The following CYP2D6 variants were observed in gnomAD, a reference collection of about 807,000 sequenced individuals.
The protein encoded by CYP2D6 is cytochrome P450 2D6.
In CYP2D6, 51 loss-of-function variants were observed where a neutral mutation model predicts 43.5. The observed-to-expected ratio is 1.17, with a 90% CI of 0.94 to 1.48. The LOEUF is 1.48. Among genes scored for constraint, CYP2D6 ranks in the 40% most tolerant of loss-of-function variants. The pLI is 0.00. For missense variants in CYP2D6, 698 were observed against 688.0 expected, an observed-to-expected ratio of 1.01 and a Z score of -0.16; for synonymous variants, 346 against 297.1, an observed-to-expected ratio of 1.16 and a Z score of -1.69.
rs1417425089 is a variant in CYP2D6, at chr22:42,130,315, C to T, written c.180+297G>A. The T allele has an allele frequency of 3.2e-4, 176 of 542,508 alleles. 7 individuals are homozygous for T. The South Asian group carries it at 3.6e-3, about 11-fold the overall frequency. 33.6% of individuals were successfully genotyped at this position (542,508 alleles called of 1,614,324 possible). Reference sequence around the variant, plus strand: ...CTCATCTTCCATTCCCAAGGCCTTTCCTTCTGGTGTCAGCAGAAGGGACTT... The same window carrying T: ...CTCATCTTCCATTCCCAAGGCCTTTTCTTCTGGTGTCAGCAGAAGGGACTT... On this transcript the variant is annotated intron_variant, in intron 1 of 8. Coordinates refer to ENST00000645361, the MANE Select transcript of CYP2D6 (RefSeq NM_000106.6).
At position 42,128,784 on chromosome 22, in the gene CYP2D6, C is replaced by T; in HGVS notation, c.666G>A (p.Glu222=). The T allele has an allele frequency of 1.2e-6, 2 of 1,605,600 alleles. No homozygotes were observed. Among genetic ancestry groups the T allele is most frequent in the African/African-American group, 2.7e-5 (2 of 74,118 alleles). Residue 222 remains glutamate (E), a splice_region_variant and synonymous_variant, in exon 4 of 9, where the codon GAG becomes GAA. Coordinates refer to ENST00000645361, the MANE Select transcript of CYP2D6 (RefSeq NM_000106.6). ...GACTCCTCGGTCTCTCGCTCCGCACCTCGCGCAGAAAGCCCGACTCCTCCT... is the reference window on the plus strand; with the variant it reads ...GACTCCTCGGTCTCTCGCTCCGCACTTCGCGCAGAAAGCCCGACTCCTCCT... ...GLKEESGFLR[E]VLNAVPVLLH...
rs1193894531 is a variant in CYP2D6, at chr22:42,130,374, G to T, written c.180+238C>A. The T allele has an allele frequency of 1.2e-5, 7 of 605,502 alleles. No individual in the cohort carries two copies. The African/African-American group carries it at 1.4e-4, about 12-fold the overall frequency. 37.5% of individuals were successfully genotyped at this position (605,502 alleles called of 1,614,324 possible). On this transcript the variant is annotated intron_variant, in intron 1 of 8. Transcript: ENST00000645361. ...ATAACATATGTTGCCCAATGGGCTT[G>T]CATGCCCACTGCCAAGTCCAGCTCC... is the stretch of plus-strand genomic sequence containing the variant.
At chr22:42,130,142 G>T in intron 1 of CYP2D6, 1 of 536,502 alleles carries the variant, frequency 1.9e-6, no homozygotes, top group Non-Finnish European at 3.2e-6. Flanking sequence ...CAAAATTGCC[G>T]AGAGGCCCCA....
chr22:42,129,004 C>G (rs777180476), intron 3 of CYP2D6, 29 bp downstream of exon 3: 1 of 1,596,594 alleles, frequency 6.3e-7, no homozygotes, highest in Non-Finnish European at 8.5e-7. Flanking sequence ...TCCCAGTTCC[C>G]GCTTTGTGCC....
chr22:42,127,841 C>G lies in CYP2D6; in HGVS notation c.985+1G>C, dbSNP rs72549349. On this transcript the variant is annotated splice_donor_variant, in intron 6 of 8. Coordinates refer to ENST00000645361, the MANE Select transcript of CYP2D6 (RefSeq NM_000106.6). LOFTEE classifies it high-confidence loss of function. ...CTGCACTGTTTCCCAGATGGGCTCA[C>G]GCTGCACATCCGGATGTAGGATCAT... The G allele has an allele frequency of 3.1e-6, 5 of 1,610,932 alleles. 1 individual carries two copies. The East Asian group carries it at 1.1e-4, about 36-fold the overall frequency.
At chr22:42,127,752 T>C (rs1301778849) in intron 6 of CYP2D6, 90 bp downstream of exon 6, 1 of 1,578,864 alleles carries the variant, frequency 6.3e-7, no homozygotes, top group Non-Finnish European at 8.7e-7. Flanking sequence ...AAGCCTGTGC[T>C]TGGAGCCCCG....
chr22:42,128,998 A>G (rs747099990), intron 3 of CYP2D6, 35 bp downstream of exon 3: 1 of 1,594,330 alleles, frequency 6.3e-7, no homozygotes, highest in East Asian at 2.3e-5. Context: ...CCGCCTTCCC[A>G]GTTCCCGCTT....
In CYP2D6 at chr22:42,128,782, A is replaced by C. The variant is rs1031847205; in HGVS notation, c.666+2T>G. 5 of 1,604,580 alleles carry C rather than the reference A, an allele frequency of 3.1e-6. No homozygotes were observed. The highest frequency in any genetic ancestry group is 1.1e-5 in the South Asian group (1 of 89,776). On this transcript the variant is annotated splice_donor_variant, in intron 4 of 8. Transcript: ENST00000645361. LOFTEE classifies it high-confidence loss of function. ...GAGACTCCTCGGTCTCTCGCTCCGCACCTCGCGCAGAAAGCCCGACTCCTC... is the reference window on the plus strand; with the variant it reads ...GAGACTCCTCGGTCTCTCGCTCCGCCCCTCGCGCAGAAAGCCCGACTCCTC...
rs915922776 is a variant in CYP2D6 at position 42,128,552 on chromosome 22, A to C, written c.667-202T>G. On this transcript the variant is annotated intron_variant, in intron 4 of 8. Coordinates refer to ENST00000645361, the MANE Select transcript of CYP2D6 (RefSeq NM_000106.6). ...TAAAATCGAAATCTCTGACGTGGATAGGAGGTACAGAGTCCTTGGCCTCTC... is the reference window on the plus strand; with the variant it reads ...TAAAATCGAAATCTCTGACGTGGATCGGAGGTACAGAGTCCTTGGCCTCTC... Among the ~76,000 whole-genome samples, 14 of 150,688 alleles carry C rather than the reference A, an allele frequency of 9.3e-5. 2 individuals carry two copies. Among genetic ancestry groups the C allele is most frequent in the Non-Finnish European group, 1.9e-4 (13 of 67,658 alleles).
At chr22:42,129,525 C>T in intron 2 of CYP2D6, 1 of 754,148 alleles carries the variant, frequency 1.3e-6, no homozygotes, top group Non-Finnish European at 2.2e-6. Context: ...GGGCTCCTGC[C>T]AGGTCTCGGC....
chr22:42,127,791 G>A lies in CYP2D6; in HGVS notation c.985+51C>T, dbSNP rs536709258. On this transcript the variant is annotated intron_variant, in intron 6 of 8. Coordinates refer to ENST00000645361, the MANE Select transcript of CYP2D6 (RefSeq NM_000106.6). ...GTCCCAGCAAAGTTCATGGGCCCCC[G>A]CCTGTACCCTTCCTCCCTCGGCCCC... is the stretch of plus-strand genomic sequence containing the variant. The A allele has an allele frequency of 1.4e-4, 227 of 1,601,426 alleles. 5 individuals carry two copies. Among genetic ancestry groups the A allele is most frequent in the East Asian group, 2.5e-4 (11 of 44,706 alleles).
intron 2 of CYP2D6, chr22:42,129,461 GC>G: frequency 2.7e-6 from 2 of 728,442 alleles, no homozygotes. Flanking sequence ...TGCGGTCCCC[GC>G]CCCCCACTTC....
Position 42,128,942 on chromosome 22 carries a change from G to A in CYP2D6, c.508C>T (p.Arg170Cys), listed in dbSNP as rs749131338. 1.4e-5 allele frequency: 23 copies of A among 1,586,580 alleles called. 1 individual carries two copies. The highest frequency in any genetic ancestry group is 1.3e-4 in the South Asian group (11 of 87,582). The change falls in exon 4 of 9, where the codon CGC becomes TGC. Residue 170 changes from arginine to cysteine, a missense_variant and splice_region_variant. Around this residue, in one of 5 missense-constraint regions of CYP2D6, gnomAD observed 588 missense variants for 521.1 expected, o/e 1.13. Coordinates refer to ENST00000645361, the MANE Select transcript of CYP2D6 (RefSeq NM_000106.6). ...LCAAFANHSG[R>C]PFRPNGLLDK... Reference sequence around the variant, plus strand: ...AAGAGACCGTTGGGGCGAAAGGGGCGTCCTGGGGGTGGGAGATGCGGGTAA... The same window carrying A: ...AAGAGACCGTTGGGGCGAAAGGGGCATCCTGGGGGTGGGAGATGCGGGTAA...
Position 42,128,706 on chromosome 22 carries a change from T to C in CYP2D6, c.666+78A>G, listed in dbSNP as rs111564371. On this transcript the variant is annotated intron_variant, in intron 4 of 8. Transcript: ENST00000645361. Reference sequence around the variant, plus strand: ...CCAAACCCATCTATGCAAATCCTGCTCTTCCGAGGCCCCAGTCCAGCCCCG... The same window carrying C: ...CCAAACCCATCTATGCAAATCCTGCCCTTCCGAGGCCCCAGTCCAGCCCCG... 262 of 1,496,064 alleles carry C rather than the reference T, an allele frequency of 1.8e-4. 7 individuals are homozygous for C. The highest frequency in any genetic ancestry group is 3.7e-4 in the South Asian group (31 of 83,626). 92.7% of individuals were successfully genotyped at this position (1,496,064 alleles called of 1,614,324 possible).
rs1161391159 is a variant in CYP2D6 at position 42,127,930 on chromosome 22, C to T, written c.897G>A (p.Val299=). ...SFNDENLRIV[V]ADLFSAGMVT... ...CCATCCCGGCAGAGAACAGGTCAGC[C>T]ACCACTATGCGCAGGTTCTCATCAT... The change falls in exon 6 of 9, where the codon GTG becomes GTA. Residue 299 remains valine (V), a synonymous_variant. Coordinates refer to ENST00000645361, the MANE Select transcript of CYP2D6 (RefSeq NM_000106.6). 2 of 1,611,184 alleles carry T rather than the reference C, an allele frequency of 1.2e-6. No individual in the cohort carries two copies. The highest frequency in any genetic ancestry group is 4.5e-5 in the East Asian group (2 of 44,764).
rs1463287399 is a variant in CYP2D6 at position 42,128,776 on chromosome 22, C to T, written c.666+8G>A. On this transcript the variant is annotated splice_region_variant and intron_variant, in intron 4 of 8. Transcript: ENST00000645361. ...CCTGCAGAGACTCCTCGGTCTCTCG[C>T]TCCGCACCTCGCGCAGAAAGCCCGA... The T allele has an allele frequency of 6.2e-7, 1 of 1,603,616 alleles. No homozygotes were observed. The highest frequency in any genetic ancestry group is 1.1e-5 in the South Asian group (1 of 89,534).
Position 42,129,902 on chromosome 22 carries a change from C to T in CYP2D6, c.188G>A (p.Arg63His), listed in dbSNP as rs565444796. The T allele has an allele frequency of 1.3e-5, 20 of 1,565,586 alleles. No homozygotes were observed. The highest frequency in any genetic ancestry group is 5.5e-5 in the African/African-American group (4 of 72,152). The change falls in exon 2 of 9, where the codon CGC becomes CAC. Residue 63 changes from arginine (R) to histidine (H), a missense_variant. This residue lies in a region of CYP2D6 where 588 missense variants were observed against 521.1 expected (regional missense o/e 1.13). Transcript: ENST00000645361. ...NTPYCFDQLR[R>H]RFGDVFSLQL... The stretch of plus-strand genomic sequence containing the variant: ...CAGGCTGAACACGTCCCCGAAGCGG[C>T]GCCGCAACTGCAGAGGGAGGGTCAG...
chr22:42,129,237 A>G (rs528764348), intron 2 of CYP2D6, 52 bp from the exon 3 acceptor site: 1 of 1,582,700 alleles, frequency 6.3e-7, no homozygotes, highest in East Asian at 2.2e-5. Context: ...TAGCCCCACC[A>G]TCCACCACCC....
At position 42,129,045 on chromosome 22, in the gene CYP2D6, C is replaced by T. The variant is rs776699675; in HGVS notation, c.493G>A (p.Ala165Thr). Residue 165 changes from alanine (A) to threonine (T), a missense_variant, in exon 3 of 9, where the codon GCC (alanine) becomes ACC (threonine). Coordinates refer to ENST00000645361, the MANE Select transcript of CYP2D6 (RefSeq NM_000106.6). ...EEAACLCAAF[A>T]NHSGRPFRPN... Reference sequence around the variant, plus strand: ...GCCCATCACCCACCGGAGTGGTTGGCGAAGGCGGCACAAAGGCAGGCGGCC... The same window carrying T: ...GCCCATCACCCACCGGAGTGGTTGGTGAAGGCGGCACAAAGGCAGGCGGCC... 2.0e-5 allele frequency: 32 copies of T among 1,606,726 alleles called. No homozygotes were observed. Among genetic ancestry groups the T allele is most frequent in the Non-Finnish European group, 2.6e-5 (31 of 1,176,540 alleles).
Sources: gnomAD v4.1 joint callset for allele counts (sites outside exome capture counted in the v4.1 genomes callset) on GRCh38, gnomAD v4.1.1 for gene constraint, gnomAD v4.1.1 regional missense constraint, MANE v1.5 for transcripts, NCBI Gene and HGNC (gene_info 2026-07-23, HGNC 2026-07-21) for gene names.